POM121: variants seen among roughly 807,000 people sequenced by gnomAD.
The protein encoded by POM121 is POM121 transmembrane nucleoporin, also known as nuclear envelope pore membrane protein POM 121.
POM121 carries 32 observed loss-of-function variants against 81.3 expected under a neutral mutation model. The observed-to-expected ratio is 0.39, with a 90% CI of 0.30 to 0.53. The LOEUF (loss-of-function observed/expected upper bound fraction) is 0.53, where lower values mean the gene tolerates loss of function less well. POM121 is among the 20% of genes least tolerant of loss of function. POM121 has a pLI of 0.66. For synonymous variants in POM121, 514 were observed against 694.2 expected, an observed-to-expected ratio of 0.74 and a Z score of 4.08; for missense variants, 1,138 against 1,614.6, an observed-to-expected ratio of 0.70 and a Z score of 5.06.
At chr7:72,900,600 G>T (rs1174195244) in intron 3 of POM121, among the ~76,000 whole-genome samples, 1 of 152,090 alleles carries the variant, frequency 6.6e-6, no homozygotes, top group Non-Finnish European at 1.5e-5. Flanking sequence ...CACCTCCTGG[G>T]TTCAAGCGAT....
Position 72,946,036 on chromosome 7 carries a change from C to T in POM121, c.3653-101C>T, listed in dbSNP as rs564988928. 12,946 of 1,507,120 alleles carry T rather than the reference C, an allele frequency of 8.6e-3. 110 individuals are homozygous for T. The highest frequency in any genetic ancestry group is 0.01 in the Non-Finnish European group (11,527 of 1,127,270). The allele number at this position is 1,507,120 out of a possible 1,614,324, so 93.4% of individuals were successfully genotyped here. On this transcript the variant is annotated intron_variant, in intron 12 of 12. Coordinates refer to ENST00000434423, the MANE Select transcript of POM121 (RefSeq NM_001387691.1). ...AGCGGGGAAAGCCCTATTGAGGCAC[C>T]CTGTGTTTTATTACTGGCCTGGCCT...
At position 72,925,306 on chromosome 7, in the gene POM121, C is replaced by T; in HGVS notation, c.185C>T (p.Ala62Val). 3 of 1,534,502 alleles carry T rather than the reference C, an allele frequency of 2.0e-6. No individual in the cohort carries two copies. The highest frequency in any genetic ancestry group is 2.6e-6 in the Non-Finnish European group (3 of 1,146,478). Residue 62 changes from alanine (A) to valine (V), a missense_variant, in exon 1 of 13, where the codon GCT (alanine) becomes GTT (valine). By Grantham distance (64) the Ala-to-Val change is moderately conservative. Transcript: ENST00000434423. ...GCACTGGCCTGGCTGACCGTGGGGGCTACCGCGGCCTGGTGGGGACTGAGC... is the reference window on the plus strand; with the variant it reads ...GCACTGGCCTGGCTGACCGTGGGGGTTACCGCGGCCTGGTGGGGACTGAGC... Reference protein sequence around the residue: ...AAALAWLTVGATAAWWGLSRE... With the variant: ...AAALAWLTVGVTAAWWGLSRE...
Position 72,938,667 on chromosome 7 carries a change from A to T in POM121, c.1353A>T (p.Pro451=). The change falls in exon 6 of 13, where the codon CCA becomes CCT. Residue 451 remains proline (P), a synonymous_variant. Coordinates refer to ENST00000434423, the MANE Select transcript of POM121 (RefSeq NM_001387691.1). ...CCCGCTCCCAGACACCGGAGAGGCC[A>T]GCAAAGAAAATAAGGTACTTGGCAT... ...ASSRSQTPER[P]AKKIREEELC... is the part of the protein sequence containing the mutation. The T allele has an allele frequency of 6.2e-7, 1 of 1,613,786 alleles. No individual in the cohort carries two copies. The highest frequency in any genetic ancestry group is 8.5e-7 in the Non-Finnish European group (1 of 1,179,672).
At chr7:72,908,580 G>T (rs530567754) in intron 3 of POM121, among the ~76,000 whole-genome samples, 3 of 152,122 alleles carry the variant, frequency 2.0e-5, no homozygotes, top group Admixed American at 6.6e-5. Context: ...GAATTTCCTC[G>T]TCCTAATATG....
chr7:72,946,451 C>T lies in POM121; in HGVS notation c.*217C>T. 2 of 1,397,554 alleles carry T rather than the reference C, an allele frequency of 1.4e-6. No homozygotes were observed. Among genetic ancestry groups the T allele is most frequent in the Non-Finnish European group, 1.9e-6 (2 of 1,073,216 alleles). The allele number at this position is 1,397,554 out of a possible 1,614,324, so 86.6% of individuals were successfully genotyped here. On this transcript the variant is annotated 3_prime_UTR_variant, in exon 13 of 13. Coordinates refer to ENST00000434423, the MANE Select transcript of POM121 (RefSeq NM_001387691.1). ...GAAGCAGGATGCGGAGGGCCAAAGC[C>T]CGGGACCTCTACTTGAACAGTTCTA...
intron 1 of POM121, among the ~76,000 whole-genome samples, chr7:72,881,452 C>T (rs1450342455): frequency 2.7e-5 from 4 of 150,210 alleles, no homozygotes; most frequent in South Asian, 2.1e-4. Context: ...CTTTGCAGGC[C>T]GGAGCCCTCA....
Position 72,925,361 on chromosome 7 carries a change from C to G in POM121, c.240C>G (p.Ser80=). The change falls in exon 1 of 13, where the codon TCC becomes TCG. Residue 80 remains serine, a synonymous_variant. Transcript: ENST00000434423. ...AGCCCCGAGGTTCGCGCCCCTTGTCCTCCTTCGTTCGGAAGGCGCGTCATC... is the reference window on the plus strand; with the variant it reads ...AGCCCCGAGGTTCGCGCCCCTTGTCGTCCTTCGTTCGGAAGGCGCGTCATC... ...SREPRGSRPL[S]SFVRKARHRR... is the part of the protein sequence containing the mutation. The G allele has an allele frequency of 6.6e-7, 1 of 1,523,050 alleles. No individual in the cohort carries two copies. The highest frequency in any genetic ancestry group is 8.8e-7 in the Non-Finnish European group (1 of 1,137,072). The allele number at this position is 1,523,050 out of a possible 1,614,324, so 94.3% of individuals were successfully genotyped here. A position where few individuals can be genotyped will look rare whatever the true frequency, so the allele number is the denominator to read the frequency against.
chr7:72,893,257 C>A (rs1453361023), intron 3 of POM121, among the ~76,000 whole-genome samples: 1 of 152,046 alleles, frequency 6.6e-6, no homozygotes, highest in Non-Finnish European at 1.5e-5. Context: ...CTGCACCCAG[C>A]CCCCTTCATT....
At chr7:72,912,257 T>G (rs1793876383) in intron 3 of POM121, among the ~76,000 whole-genome samples, 1 of 152,176 alleles carries the variant, frequency 6.6e-6, no homozygotes, top group African/African-American at 2.4e-5. Flanking sequence ...ACGCACCATA[T>G]CCTATGTGAG....
intron 3 of POM121, among the ~76,000 whole-genome samples, chr7:72,891,565 C>G (rs1287901172): frequency 2.0e-5 from 3 of 152,126 alleles, no homozygotes; most frequent in Non-Finnish European, 4.4e-5. Flanking sequence ...TGCCACCAAG[C>G]CTGGCTAATT....
In POM121 at chr7:72,938,110, C is replaced by T. The variant is rs1332826615; in HGVS notation, c.1276-480C>T. On this transcript the variant is annotated intron_variant, in intron 5 of 12. Coordinates refer to ENST00000434423, the MANE Select transcript of POM121 (RefSeq NM_001387691.1). ...TGCAAAAGTGTGTCCATCCCTTCTA[C>T]CTTTATTCGCATTCCATTACTTTTA... 2.6e-5 allele frequency among the ~76,000 whole-genome samples: 4 copies of T among 152,182 alleles called. No individual in the cohort carries two copies. The South Asian group carries it at 8.3e-4, about 32-fold the overall frequency.
rs376208786 is a variant in POM121, at chr7:72,945,189, G to A, written c.3530-397G>A. Among the ~76,000 whole-genome samples the A allele has an allele frequency of 6.6e-4, 100 of 152,076 alleles. No homozygotes were observed. The East Asian group carries it at 8.9e-3, about 14-fold the overall frequency. ...GACCACGGGGCATCACAAAAGACGCGGGACGGACAAACCAGGCTTCAGAGG... is the reference window on the plus strand; with the variant it reads ...GACCACGGGGCATCACAAAAGACGCAGGACGGACAAACCAGGCTTCAGAGG... On this transcript the variant is annotated intron_variant, in intron 11 of 12. Coordinates refer to ENST00000434423, the MANE Select transcript of POM121 (RefSeq NM_001387691.1).
chr7:72,891,696 T>G (rs149552603), intron 3 of POM121, among the ~76,000 whole-genome samples: 5 of 152,204 alleles, frequency 3.3e-5, no homozygotes, highest in Non-Finnish European at 7.3e-5. Flanking sequence ...CCTGAGCCAC[T>G]GCTCCCAGCC....
intron 3 of POM121, among the ~76,000 whole-genome samples, chr7:72,894,038 G>A (rs1273649205): frequency 1.3e-5 from 2 of 151,804 alleles, no homozygotes; most frequent in Non-Finnish European, 2.9e-5. Context: ...TGGGGAGGCT[G>A]AGGCGGGTGG....
chr7:72,903,709 C>A (rs1389579487), intron 3 of POM121, among the ~76,000 whole-genome samples: 1 of 152,224 alleles, frequency 6.6e-6, no homozygotes. Context: ...CAGCTCTTTC[C>A]CTCTTTGTGG....
chr7:72,893,613 C>A (rs377213400), intron 3 of POM121, among the ~76,000 whole-genome samples: 1 of 152,126 alleles, frequency 6.6e-6, no homozygotes, highest in Non-Finnish European at 1.5e-5. Context: ...TACGATTTAC[C>A]GTCTTAACCA....
chr7:72,945,231 G>A (rs546356321), intron 11 of POM121, among the ~76,000 whole-genome samples: 51 of 151,600 alleles, frequency 3.4e-4, no homozygotes, highest in Middle Eastern at 3.4e-3. Context: ...GACGGTGGCT[G>A]GGGGAAAAGG....
intron 3 of POM121, among the ~76,000 whole-genome samples, chr7:72,893,624 T>A (rs1386314239): frequency 1.3e-5 from 2 of 152,188 alleles, no homozygotes; most frequent in Non-Finnish European, 2.9e-5. Context: ...GTCTTAACCA[T>A]TTTTAAGTGT....
chr7:72,886,134 C>T (rs183571045), intron 1 of POM121, among the ~76,000 whole-genome samples: 9,884 of 151,402 alleles, frequency 0.065, 729 homozygotes, highest in African/African-American at 0.23. Flanking sequence ...CTATCTATTA[C>T]GTTGTTGTTA....
Sources: gnomAD v4.1 joint callset for allele counts (sites outside exome capture counted in the v4.1 genomes callset) on GRCh38, gnomAD v4.1.1 for gene constraint, MANE v1.5 for transcripts, NCBI Gene and HGNC (gene_info 2026-07-23, HGNC 2026-07-21) for gene names.